The following RIT2 variants were observed in gnomAD, a reference collection of about 807,000 sequenced individuals.
The protein encoded by RIT2 is GTP-binding protein Rit2.
In RIT2, 24 loss-of-function variants were observed where a neutral mutation model predicts 23.7. The observed-to-expected ratio is 1.01, with a 90% confidence interval of 0.73 to 1.43. RIT2 has a LOEUF of 1.43. Among genes scored for constraint, RIT2 ranks in the 40% most tolerant of loss-of-function variants. The pLI, the probability that RIT2 is intolerant of heterozygous loss-of-function variation, is 0.00. For missense variants in RIT2, 236 were observed against 266.9 expected, an observed-to-expected ratio of 0.88 and a Z score of 0.81; for synonymous variants, 107 against 91.1, an observed-to-expected ratio of 1.17 and a Z score of -0.99.
At chr18:42,985,961 G>A (rs908568540) in intron 2 of RIT2, among the ~76,000 whole-genome samples, 3 of 150,772 alleles carry the variant, frequency 2.0e-5, no homozygotes, top group Non-Finnish European at 4.4e-5. Flanking sequence ...ATATGAGAAT[G>A]AAAATATGAG....
chr18:42,747,058 C>G (rs1237592391), intron 4 of RIT2, among the ~76,000 whole-genome samples: 1 of 152,002 alleles, frequency 6.6e-6, no homozygotes. Flanking sequence ...GCAGAACAAT[C>G]AGACAAGAGA....
chr18:43,004,153 C>CT (rs748612080), intron 2 of RIT2, among the ~76,000 whole-genome samples: 11 of 151,670 alleles, frequency 7.3e-5, no homozygotes, highest in Non-Finnish European at 1.0e-4. Context: ...ATGAAAAGGG[C>CT]TTTCATTTCA....
intron 2 of RIT2, among the ~76,000 whole-genome samples, chr18:42,999,972 G>A (rs1442569960): frequency 2.0e-5 from 3 of 152,054 alleles, no homozygotes; most frequent in Non-Finnish European, 2.9e-5. Flanking sequence ...CTCCAATGGA[G>A]TGAAAAATCT....
chr18:42,989,657 T>A (rs1469834275), intron 2 of RIT2, among the ~76,000 whole-genome samples: 1 of 152,172 alleles, frequency 6.6e-6, no homozygotes. Context: ...AAAGCCCACA[T>A]AGCTCATGGT....
At chr18:42,849,471 T>C (rs1262520045) in intron 4 of RIT2, among the ~76,000 whole-genome samples, 1 of 152,066 alleles carries the variant, frequency 6.6e-6, no homozygotes, top group Non-Finnish European at 1.5e-5. Context: ...TGGGTAAAAG[T>C]CAACTCATAG....
chr18:42,868,584 C>T (rs1217526883), intron 4 of RIT2, among the ~76,000 whole-genome samples: 1 of 152,058 alleles, frequency 6.6e-6, no homozygotes, highest in Admixed American at 6.6e-5. Context: ...AGTGTAGACA[C>T]TGTGGATGCT....
At chr18:42,812,873 T>G (rs1364995626) in intron 4 of RIT2, among the ~76,000 whole-genome samples, 1 of 152,188 alleles carries the variant, frequency 6.6e-6, no homozygotes, top group South Asian at 2.1e-4. Context: ...AGAGTATTTC[T>G]CAAAAAGTAA....
intron 4 of RIT2, among the ~76,000 whole-genome samples, chr18:42,833,970 G>T (rs911508132): frequency 2.6e-5 from 4 of 152,104 alleles, no homozygotes; most frequent in Admixed American, 2.6e-4. Flanking sequence ...GCTAGGTATG[G>T]TGCTATTGAT....
chr18:42,837,605 G>A (rs971478513), intron 4 of RIT2, among the ~76,000 whole-genome samples: 9 of 152,124 alleles, frequency 5.9e-5, no homozygotes, highest in Non-Finnish European at 1.3e-4. Context: ...ACTTGCAAAA[G>A]AATTTAGCCA....
intron 1 of RIT2, among the ~76,000 whole-genome samples, chr18:43,107,243 G>T (rs921448106): frequency 1.3e-5 from 2 of 152,088 alleles, no homozygotes; most frequent in African/African-American, 4.8e-5. Context: ...ACAATGTATG[G>T]TAGGTCATTT....
rs149907745 is a variant in RIT2 at position 43,110,683 on chromosome 18, T to C, written c.103+4734A>G. Among the ~76,000 whole-genome samples, 475 of 152,202 alleles carry C rather than the reference T, an allele frequency of 3.1e-3. 3 individuals carry two copies. The highest frequency in any genetic ancestry group is 0.011 in the African/African-American group (449 of 41,530). ...AACATACTGAACTTTATTGGATAAT[T>C]TGTCTTTTTTGTTGTTTTCTTTTGG... is the stretch of plus-strand genomic sequence containing the variant. On this transcript the variant is annotated intron_variant, in intron 1 of 4. Transcript: ENST00000326695.
chr18:42,837,164 T>TTTTTTTTTTTTTTTTTTTTA, intron 4 of RIT2, among the ~76,000 whole-genome samples: 1 of 96,578 alleles, frequency 1.0e-5, no homozygotes, highest in Admixed American at 1.0e-4. Context: ...TTTTTTTTTT[T>TTTTTTTTTTTTTTTTTTTTA]TTTTTTTTTT....
At chr18:43,005,894 C>T (rs1231779677) in intron 2 of RIT2, among the ~76,000 whole-genome samples, 1 of 151,724 alleles carries the variant, frequency 6.6e-6, no homozygotes, top group Non-Finnish European at 1.5e-5. Flanking sequence ...GTAGCTGCAA[C>T]TGAGGGGGAT....
intron 3 of RIT2, among the ~76,000 whole-genome samples, chr18:42,929,224 A>C (rs1377838742): frequency 1.3e-5 from 2 of 151,748 alleles, no homozygotes; most frequent in Admixed American, 6.6e-5. Flanking sequence ...TTTGACACAA[A>C]TCTCCCCTAA....
chr18:42,907,810 G>A (rs1328434778), intron 4 of RIT2, among the ~76,000 whole-genome samples: 1 of 152,024 alleles, frequency 6.6e-6, no homozygotes, highest in African/African-American at 2.4e-5. Context: ...GTGAGACCCT[G>A]TCTCTATAAA....
intron 3 of RIT2, among the ~76,000 whole-genome samples, chr18:42,962,480 T>C (rs1376174566): frequency 1.3e-5 from 2 of 152,194 alleles, no homozygotes; most frequent in Admixed American, 1.3e-4. Context: ...GATGAGAGAA[T>C]AGCATTTTCA....
Position 42,923,555 on chromosome 18 carries a change from A to G in RIT2, c.426+17T>C, listed in dbSNP as rs560176054. 3.1e-6 allele frequency: 5 copies of G among 1,609,256 alleles called. No individual in the cohort carries two copies. The South Asian group carries it at 4.4e-5, about 14-fold the overall frequency. Reference sequence around the variant, plus strand: ...CAGAGCAAAAGACAGAAGCTACCAGATAAAATCGGCACTCACCTGGCGGAA... The same window carrying G: ...CAGAGCAAAAGACAGAAGCTACCAGGTAAAATCGGCACTCACCTGGCGGAA... On this transcript the variant is annotated intron_variant, in intron 4 of 4. Transcript: ENST00000326695.
At chr18:42,791,223 T>C (rs1352914971) in intron 4 of RIT2, among the ~76,000 whole-genome samples, 2 of 152,348 alleles carry the variant, frequency 1.3e-5, no homozygotes, top group African/African-American at 4.8e-5. Flanking sequence ...ACACAATTTT[T>C]ATTCCATATG....
chr18:43,030,254 C>T (rs1213121079), intron 2 of RIT2, among the ~76,000 whole-genome samples: 3 of 151,904 alleles, frequency 2.0e-5, no homozygotes, highest in African/African-American at 4.8e-5. Flanking sequence ...AAAAGAGGCG[C>T]TCTTGAGGAA....
Sources: gnomAD v4.1 joint callset for allele counts (sites outside exome capture counted in the v4.1 genomes callset) on GRCh38, gnomAD v4.1.1 for gene constraint, MANE v1.5 for transcripts, NCBI Gene and HGNC (gene_info 2026-07-23, HGNC 2026-07-21) for gene names.